Variants in PXDNL observed in about 807,000 individuals in gnomAD.
The protein encoded by PXDNL is probable oxidoreductase PXDNL.
PXDNL carries 145 observed loss-of-function variants against 150.8 expected under a neutral mutation model. The observed-to-expected ratio is 0.96, with a 90% CI of 0.84 to 1.10. The LOEUF (loss-of-function observed/expected upper bound fraction) is 1.10, where lower values mean the gene tolerates loss of function less well. PXDNL is among the 50% of genes least tolerant of loss of function. The pLI, the probability that PXDNL is intolerant of heterozygous loss-of-function variation, is 0.00. For synonymous variants in PXDNL, 757 were observed against 725.7 expected, an observed-to-expected ratio of 1.04 and a Z score of -0.69; for missense variants, 2,087 against 1,873.9, an observed-to-expected ratio of 1.11 and a Z score of -2.10.
At chr8:51,601,797 G>GT (rs71550273) in intron 2 of PXDNL, among the ~76,000 whole-genome samples, 5,707 of 146,638 alleles carry the variant, frequency 0.039, 262 homozygotes, top group African/African-American at 0.11. Context: ...TCTATTGTGG[G>GT]TTTTTTTTTT....
intron 1 of PXDNL, among the ~76,000 whole-genome samples, chr8:51,773,558 C>T (rs899683799): frequency 3.3e-5 from 5 of 152,184 alleles, no homozygotes; most frequent in African/African-American, 9.7e-5. Context: ...TAGAATTCCA[C>T]GACCACCTTC....
Position 51,457,589 on chromosome 8 carries a change from C to G in PXDNL, c.891G>C (p.Glu297Asp). The G allele has an allele frequency of 1.2e-6, 2 of 1,613,878 alleles. No homozygotes were observed. The highest frequency in any genetic ancestry group is 3.3e-5 in the Admixed American group (2 of 60,024). The change falls in exon 9 of 23, where the codon GAG (glutamate) becomes GAC (aspartate). Residue 297 changes from glutamate to aspartate, a missense_variant. Physicochemically the swap from Glu to Asp is conservative, Grantham distance 45 (BLOSUM62 2). Transcript: ENST00000356297. Reference protein sequence around the residue: ...DGTLMIRNTRESDQGVYQCMA... With the variant: ...DGTLMIRNTRDSDQGVYQCMA... ...TGCACTGATAGACACCTTGGTCTGA[C>G]TCTCTGGTGTTTCGGATCATGAGTG...
At chr8:51,537,177 CT>C (rs1164989363) in intron 4 of PXDNL, among the ~76,000 whole-genome samples, 1 of 152,132 alleles carries the variant, frequency 6.6e-6, no homozygotes, top group Non-Finnish European at 1.5e-5. Flanking sequence ...TCTTGGGGAA[CT>C]TTGAAAAAAA....
chr8:51,789,005 T>G (rs578153973), intron 1 of PXDNL, among the ~76,000 whole-genome samples: 68 of 152,262 alleles, frequency 4.5e-4, no homozygotes, highest in African/African-American at 1.6e-3. Context: ...ACACCACTAG[T>G]GCCTTTCCTT....
chr8:51,407,408 C>A (rs192505274), intron 17 of PXDNL, among the ~76,000 whole-genome samples: 95 of 152,194 alleles, frequency 6.2e-4, no homozygotes, highest in Non-Finnish European at 1.1e-3. Flanking sequence ...TATATTTAAC[C>A]TACTACAGAC....
Position 51,483,764 on chromosome 8 carries a change from G to C in PXDNL, c.453-50C>G, listed in dbSNP as rs1179714925. 17 of 1,097,854 alleles carry C rather than the reference G, an allele frequency of 1.5e-5. No individual in the cohort carries two copies. In the East Asian group the frequency reaches 4.2e-4, roughly 27 times the overall value. 68.0% of individuals were successfully genotyped at this position (1,097,854 alleles called of 1,614,324 possible). On this transcript the variant is annotated intron_variant, in intron 5 of 22. Transcript: ENST00000356297. Reference sequence around the variant, plus strand: ...ATCACCATACAATAATAATGAATTTGACAAACAAAACCTTTCTTTCACCTA... The same window carrying C: ...ATCACCATACAATAATAATGAATTTCACAAACAAAACCTTTCTTTCACCTA...
intron 2 of PXDNL, among the ~76,000 whole-genome samples, chr8:51,602,018 T>A (rs1319558543): frequency 1.3e-5 from 2 of 152,040 alleles, no homozygotes; most frequent in Non-Finnish European, 2.9e-5. Context: ...TTGGTTGGAA[T>A]CTCTTTTCTT....
intron 4 of PXDNL, among the ~76,000 whole-genome samples, chr8:51,550,545 T>C (rs1014958463): frequency 5.9e-5 from 9 of 152,132 alleles, no homozygotes; most frequent in Non-Finnish European, 1.2e-4. Context: ...AGTCAATAAA[T>C]GTGATACACC....
At chr8:51,655,441 T>A (rs1284593442) in intron 1 of PXDNL, among the ~76,000 whole-genome samples, 2 of 152,176 alleles carry the variant, frequency 1.3e-5, no homozygotes, top group Non-Finnish European at 2.9e-5. Context: ...TGGGGGGATG[T>A]CAAGCAAGTT....
intron 21 of PXDNL, among the ~76,000 whole-genome samples, chr8:51,337,966 G>A (rs1213393174): frequency 6.6e-6 from 1 of 151,318 alleles, no homozygotes; most frequent in Non-Finnish European, 1.5e-5. Flanking sequence ...ATGACCTGAG[G>A]TCAGGAGTTT....
intron 5 of PXDNL, among the ~76,000 whole-genome samples, chr8:51,489,100 T>C (rs1342795956): frequency 1.3e-5 from 2 of 152,060 alleles, no homozygotes; most frequent in East Asian, 3.9e-4. Flanking sequence ...ACAGATATTA[T>C]GAAACAAAAG....
At chr8:51,655,372 T>A (rs2130802961) in intron 1 of PXDNL, among the ~76,000 whole-genome samples, 1 of 152,090 alleles carries the variant, frequency 6.6e-6, no homozygotes, top group East Asian at 1.9e-4. Context: ...TCATGTTAAG[T>A]AATAGGGATG....
At chr8:51,515,410 A>G (rs1811514175) in intron 4 of PXDNL, among the ~76,000 whole-genome samples, 1 of 152,162 alleles carries the variant, frequency 6.6e-6, no homozygotes, top group African/African-American at 2.4e-5. Context: ...AGTTCTGGGA[A>G]GCTGACTTGG....
intron 1 of PXDNL, among the ~76,000 whole-genome samples, chr8:51,759,525 A>G (rs1284128190): frequency 6.6e-6 from 1 of 152,202 alleles, no homozygotes; most frequent in Non-Finnish European, 1.5e-5. Context: ...AGCACAAAAT[A>G]GGCACGCCCT....
chr8:51,634,674 T>C (rs1483695101), intron 2 of PXDNL, among the ~76,000 whole-genome samples: 1 of 152,200 alleles, frequency 6.6e-6, no homozygotes, highest in Non-Finnish European at 1.5e-5. Context: ...TTTGTACTTT[T>C]CCTTATAGAG....
intron 1 of PXDNL, among the ~76,000 whole-genome samples, chr8:51,744,069 G>A (rs376357568): frequency 0.14 from 7,184 of 49,868 alleles, 942 homozygotes; most frequent in African/African-American, 0.35. Context: ...AAGGAAGGAA[G>A]GAAGGAAGGA....
chr8:51,735,789 G>A (rs916499273), intron 1 of PXDNL, among the ~76,000 whole-genome samples: 24 of 151,380 alleles, frequency 1.6e-4, no homozygotes, highest in Middle Eastern at 3.4e-3. Context: ...CTCGTGATCC[G>A]CCCGCCTCGG....
chr8:51,509,781 T>TAC (rs202120911), intron 4 of PXDNL, among the ~76,000 whole-genome samples: 2,054 of 149,394 alleles, frequency 0.014, 44 homozygotes, highest in Admixed American at 0.045. Context: ...CACAAATATA[T>TAC]ACACACACAC....
rs1394981106 is a variant in PXDNL, at chr8:51,475,147, C to T, written c.525-6G>A. 5 of 1,609,896 alleles carry T rather than the reference C, an allele frequency of 3.1e-6. No individual in the cohort carries two copies. The highest frequency in any genetic ancestry group is 3.4e-6 in the Non-Finnish European group (4 of 1,176,942). On this transcript the variant is annotated splice_polypyrimidine_tract_variant and splice_region_variant and intron_variant, in intron 6 of 22. Coordinates refer to ENST00000356297, the MANE Select transcript of PXDNL (RefSeq NM_144651.5). ...GGGCGTTGGAATCCAGACGCCTAGG[C>T]ATGCAGGCAAGAAGTACAACTGTTA...
Sources: allele counts gnomAD v4.1 joint callset (sites outside exome capture counted in the v4.1 genomes callset), GRCh38; gene constraint gnomAD v4.1.1; transcripts MANE v1.5; gene names NCBI Gene and HGNC (gene_info 2026-07-23, HGNC 2026-07-21).